Variants in COG5 observed in about 807,000 individuals in gnomAD.
The protein encoded by COG5 is component of oligomeric golgi complex 5, also known as conserved oligomeric Golgi complex subunit 5.
In COG5, 86 loss-of-function variants were observed where a neutral mutation model predicts 110.4. That is an observed-to-expected ratio of 0.78 (90% CI 0.65 to 0.93). COG5 has a LOEUF of 0.93. Among genes scored for constraint, COG5 ranks in the 40% least tolerant of loss-of-function variants. COG5 has a pLI of 0.00. For missense variants in COG5, 1,077 were observed against 987.0 expected, an observed-to-expected ratio of 1.09 and a Z score of -1.22; for synonymous variants, 360 against 334.6, an observed-to-expected ratio of 1.08 and a Z score of -0.83.
At chr7:107,389,793 A>C (rs994169477) in intron 7 of COG5, among the ~76,000 whole-genome samples, 1 of 152,134 alleles carries the variant, frequency 6.6e-6, no homozygotes, top group Non-Finnish European at 1.5e-5. Flanking sequence ...AGTAAAGTCC[A>C]TGCCACCCCC....
At chr7:107,268,528 C>A (rs1803985690) in intron 14 of COG5, among the ~76,000 whole-genome samples, 1 of 152,190 alleles carries the variant, frequency 6.6e-6, no homozygotes, top group African/African-American at 2.4e-5. Context: ...GAGAAAGCAT[C>A]TCAAGAGAAG....
At chr7:107,461,509 T>C (rs1324107246) in intron 6 of COG5, among the ~76,000 whole-genome samples, 1 of 152,086 alleles carries the variant, frequency 6.6e-6, no homozygotes, top group Non-Finnish European at 1.5e-5. Context: ...CCTGAAGACA[T>C]GGAAAAAAGC....
At chr7:107,430,353 C>G (rs1793939011) in intron 6 of COG5, among the ~76,000 whole-genome samples, 2 of 152,184 alleles carry the variant, frequency 1.3e-5, no homozygotes, top group Admixed American at 1.3e-4. Flanking sequence ...TATTCATTAC[C>G]AATTACATTG....
chr7:107,520,015 A>G (rs1016651754), intron 6 of COG5, among the ~76,000 whole-genome samples: 2 of 152,196 alleles, frequency 1.3e-5, no homozygotes, highest in African/African-American at 2.4e-5. Flanking sequence ...AACATAATCC[A>G]TCACATAAAC....
chr7:107,554,359 AATG>A lies in COG5; in HGVS notation c.235-20_235-18del, dbSNP rs753133342. The stretch of plus-strand genomic sequence containing the variant: ...TGCAACAACCTGAAAATCAAAAATA[AATG>A]ATTAGCTTTTGCTCTGTTAGGTATT... On this transcript the variant is annotated intron_variant, in intron 2 of 21. Coordinates refer to ENST00000297135, the MANE Select transcript of COG5 (RefSeq NM_006348.5). 4 of 1,610,910 alleles carry A rather than the reference AATG, an allele frequency of 2.5e-6. No homozygotes were observed. In the South Asian group the frequency reaches 4.4e-5, roughly 18 times the overall value.
In COG5 at chr7:107,270,882, C is replaced by CTTTTTTTTTT. The variant is rs56971368; in HGVS notation, c.1575+10408_1575+10417dup. On this transcript the variant is annotated intron_variant, in intron 14 of 21. Transcript: ENST00000297135. ...TTATACTTCATTATCCTAACTAGAA[C>CTTTTTTTTTT]TTTTTTTTTTTTTTTTTTTTTTTTT... Among the ~76,000 whole-genome samples, 115 of 68,752 alleles carry CTTTTTTTTTT rather than the reference C, an allele frequency of 1.7e-3. 16 individuals carry two copies. Among genetic ancestry groups the CTTTTTTTTTT allele is most frequent in the Non-Finnish European group, 2.2e-3 (85 of 39,000 alleles). The allele number at this position is 68,752 out of a possible 152,430, so 45.1% of individuals were successfully genotyped here. A position where few individuals can be genotyped will look rare whatever the true frequency, so the allele number is the denominator to read the frequency against.
At chr7:107,513,402 G>C (rs1035923101) in intron 6 of COG5, among the ~76,000 whole-genome samples, 1 of 152,094 alleles carries the variant, frequency 6.6e-6, no homozygotes, top group Non-Finnish European at 1.5e-5. Context: ...GAAACAACAG[G>C]TGCTGGAGAG....
intron 20 of COG5, among the ~76,000 whole-genome samples, chr7:107,210,857 T>G (rs920153524): frequency 6.6e-6 from 1 of 152,218 alleles, no homozygotes; most frequent in African/African-American, 2.4e-5. Context: ...TGAACACAAA[T>G]TACTTGTATC....
In COG5 at chr7:107,464,469, G is replaced by A. The variant is rs978171306; in HGVS notation, c.539-51837C>T. 1.5e-4 allele frequency among the ~76,000 whole-genome samples: 23 copies of A among 152,202 alleles called. 1 individual carries two copies. The highest frequency in any genetic ancestry group is 1.4e-3 in the East Asian group (7 of 5,176). The stretch of plus-strand genomic sequence containing the variant: ...CAAAAAATTCATTAACAGGCAGGTC[G>A]TTAGGAGACTCTTACTCTGTACTAC... On this transcript the variant is annotated intron_variant, in intron 6 of 21. Transcript: ENST00000297135.
intron 14 of COG5, among the ~76,000 whole-genome samples, chr7:107,263,185 A>G (rs1420778693): frequency 2.0e-5 from 3 of 152,138 alleles, no homozygotes; most frequent in Admixed American, 2.0e-4. Context: ...CTACTTCATA[A>G]TCCTCCACCC....
intron 12 of COG5, among the ~76,000 whole-genome samples, chr7:107,293,504 T>A (rs1806343439): frequency 6.6e-6 from 1 of 152,198 alleles, no homozygotes; most frequent in South Asian, 2.1e-4. Flanking sequence ...TGACCACATT[T>A]TCCTAGACTT....
intron 6 of COG5, among the ~76,000 whole-genome samples, chr7:107,460,384 C>T (rs536704764): frequency 5.9e-5 from 9 of 151,800 alleles, no homozygotes; most frequent in African/African-American, 2.2e-4. Context: ...GAGAGCAAAA[C>T]TCTGCCTCAA....
chr7:107,334,324 C>T (rs188386597), intron 10 of COG5, among the ~76,000 whole-genome samples: 2 of 152,054 alleles, frequency 1.3e-5, no homozygotes, highest in Admixed American at 1.3e-4. Context: ...TGCATGTTTC[C>T]ACTCATAAGC....
chr7:107,471,408 A>T (rs569801167), intron 6 of COG5: 1 of 152,036 alleles, frequency 6.6e-6, no homozygotes, highest in Non-Finnish European at 1.5e-5. Context: ...ACAACTGACA[A>T]TATGAAGAAT....
intron 11 of COG5, among the ~76,000 whole-genome samples, chr7:107,320,686 G>C (rs189898422): frequency 2.6e-5 from 4 of 152,294 alleles, no homozygotes; most frequent in South Asian, 2.1e-4. Context: ...TATCTTAAAG[G>C]ATAAGTACGG....
rs572148806 is a variant in COG5, at chr7:107,284,083, C to T, written c.1314-351G>A. On this transcript the variant is annotated intron_variant, in intron 12 of 21. Transcript: ENST00000297135. ...GGGATTACAGCTGCCCGCCACCATG[C>T]CCAGCTAATTGTTGTATTTTTAGTA... Among the ~76,000 whole-genome samples the T allele has an allele frequency of 1.0e-3, 154 of 152,190 alleles. 1 individual carries two copies. The highest frequency in any genetic ancestry group is 3.4e-3 in the Middle Eastern group (1 of 294).
intron 7 of COG5, among the ~76,000 whole-genome samples, chr7:107,387,331 T>C (rs567609127): frequency 6.6e-6 from 1 of 151,796 alleles, no homozygotes; most frequent in South Asian, 2.1e-4. Flanking sequence ...GGGCAGGAGG[T>C]GCAAACGGGA....
chr7:107,492,562 C>G (rs965483280), intron 6 of COG5, among the ~76,000 whole-genome samples: 1 of 152,116 alleles, frequency 6.6e-6, no homozygotes, highest in African/African-American at 2.4e-5. Context: ...CTGAGGACCT[C>G]ACTTCCTTGC....
intron 10 of COG5, among the ~76,000 whole-genome samples, chr7:107,340,157 T>C (rs1811055397): frequency 6.6e-6 from 1 of 150,802 alleles, no homozygotes; most frequent in African/African-American, 2.4e-5. Flanking sequence ...AAAAAGAAGA[T>C]CCAAATGAGC....
Sources: gnomAD v4.1 joint callset for allele counts (sites outside exome capture counted in the v4.1 genomes callset) on GRCh38, gnomAD v4.1.1 for gene constraint, MANE v1.5 for transcripts, NCBI Gene and HGNC (gene_info 2026-07-23, HGNC 2026-07-21) for gene names.